The following PXDNL variants were observed in gnomAD, a reference collection of about 807,000 sequenced individuals.
PXDNL encodes the protein probable oxidoreductase PXDNL.
PXDNL carries 145 observed loss-of-function variants against 150.8 expected under a neutral mutation model. The ratio of observed to expected loss-of-function variants is 0.96; its 90% confidence interval spans 0.84 to 1.10. The LOEUF is 1.10. Among genes scored for constraint, PXDNL ranks in the 50% least tolerant of loss-of-function variants. The pLI, the probability that PXDNL is intolerant of heterozygous loss-of-function variation, is 0.00. For missense variants in PXDNL, 2,087 were observed against 1,873.9 expected, an observed-to-expected ratio of 1.11 and a Z score of -2.10; for synonymous variants, 757 against 725.7, an observed-to-expected ratio of 1.04 and a Z score of -0.69.
At chr8:51,719,657 T>C (rs1164144562) in intron 1 of PXDNL, among the ~76,000 whole-genome samples, 1 of 151,090 alleles carries the variant, frequency 6.6e-6, no homozygotes, top group African/African-American at 2.4e-5. Context: ...AAAAAAAAAC[T>C]ATTTCTACCT....
At chr8:51,334,124 C>A (rs1805772466) in intron 21 of PXDNL, among the ~76,000 whole-genome samples, 1 of 93,232 alleles carries the variant, frequency 1.1e-5, no homozygotes, top group Non-Finnish European at 2.5e-5. Context: ...AGCATTCTCG[C>A]AGACCACAGT....
chr8:51,755,555 G>A (rs543923627), intron 1 of PXDNL, among the ~76,000 whole-genome samples: 6 of 152,318 alleles, frequency 3.9e-5, no homozygotes, highest in African/African-American at 1.4e-4. Flanking sequence ...GCCTCCCAAA[G>A]TGCTGGGGTT....
At chr8:51,483,773 AACCTTTCTTTCACC>A in intron 5 of PXDNL, 59 bp from the exon 6 acceptor site, 1 of 1,020,036 alleles carries the variant, frequency 9.8e-7, no homozygotes, top group East Asian at 2.6e-5. Context: ...TGACAAACAA[AACCTTTCTTTCACC>A]TAACTGTGAA....
chr8:51,374,325 A>G (rs1807231486), intron 18 of PXDNL, among the ~76,000 whole-genome samples: 2 of 152,210 alleles, frequency 1.3e-5, no homozygotes, highest in African/African-American at 4.8e-5. Flanking sequence ...TTTAAGCACA[A>G]CGTAGTCCAT....
At chr8:51,347,125 A>G (rs879489807) in intron 19 of PXDNL, among the ~76,000 whole-genome samples, 10 of 152,208 alleles carry the variant, frequency 6.6e-5, no homozygotes, top group Admixed American at 6.5e-4. Flanking sequence ...GCATCTTACC[A>G]TGCAATCGAA....
chr8:51,589,154 A>C (rs1251821865), intron 3 of PXDNL, among the ~76,000 whole-genome samples: 3 of 152,152 alleles, frequency 2.0e-5, no homozygotes, highest in Non-Finnish European at 2.9e-5. Context: ...CTCCAGATGC[A>C]GCCCCTCAGT....
intron 17 of PXDNL, among the ~76,000 whole-genome samples, chr8:51,376,992 C>G (rs1466104815): frequency 6.6e-6 from 1 of 152,108 alleles, no homozygotes; most frequent in South Asian, 2.1e-4. Context: ...TGCTGGGTTA[C>G]AGGCGTGAGC....
intron 19 of PXDNL, among the ~76,000 whole-genome samples, chr8:51,367,768 A>T (rs989122441): frequency 6.6e-6 from 1 of 152,254 alleles, no homozygotes; most frequent in African/African-American, 2.4e-5. Flanking sequence ...GGGCAAAAAG[A>T]AAAACAAAAA....
intron 2 of PXDNL, among the ~76,000 whole-genome samples, chr8:51,609,959 G>T (rs554778356): frequency 6.6e-6 from 1 of 152,162 alleles, no homozygotes; most frequent in African/African-American, 2.4e-5. Context: ...TTTTTCACTC[G>T]CTTGTGACCA....
At chr8:51,568,801 C>A (rs1355116458) in intron 3 of PXDNL, among the ~76,000 whole-genome samples, 1 of 151,598 alleles carries the variant, frequency 6.6e-6, no homozygotes, top group Non-Finnish European at 1.5e-5. Context: ...CATCCTTTTT[C>A]TCTTTGTATT....
At chr8:51,411,892 C>A (rs1404975662) in intron 15 of PXDNL, among the ~76,000 whole-genome samples, 1 of 152,158 alleles carries the variant, frequency 6.6e-6, no homozygotes, top group African/African-American at 2.4e-5. Flanking sequence ...CTCTGACAAG[C>A]TATCACTCCA....
intron 2 of PXDNL, among the ~76,000 whole-genome samples, chr8:51,637,531 T>C (rs1453252871): frequency 6.6e-6 from 1 of 152,072 alleles, no homozygotes; most frequent in Non-Finnish European, 1.5e-5. Context: ...TGAAAACCAT[T>C]GCACAAGAAC....
chr8:51,607,418 T>G (rs928709639), intron 2 of PXDNL, among the ~76,000 whole-genome samples: 3 of 152,206 alleles, frequency 2.0e-5, no homozygotes, highest in African/African-American at 7.2e-5. Flanking sequence ...TTTTGGCTCT[T>G]GGGCTGGTTG....
intron 12 of PXDNL, chr8:51,436,377 C>T: frequency 2.3e-6 from 1 of 428,962 alleles, no homozygotes; most frequent in Admixed American, 2.9e-5. Context: ...AAAATTCTCA[C>T]TACCAGGCAC....
At chr8:51,749,075 TA>T (rs1301936963) in intron 1 of PXDNL, among the ~76,000 whole-genome samples, 1 of 152,224 alleles carries the variant, frequency 6.6e-6, no homozygotes, top group East Asian at 1.9e-4. Flanking sequence ...TGAATTCTTT[TA>T]AAAATAATTT....
intron 20 of PXDNL, among the ~76,000 whole-genome samples, chr8:51,341,949 C>G (rs1185148774): frequency 2.0e-5 from 3 of 152,178 alleles, no homozygotes; most frequent in Admixed American, 2.0e-4. Context: ...AATCCCACGC[C>G]TGGGTATACA....
chr8:51,498,780 C>T (rs1170030229), intron 5 of PXDNL, among the ~76,000 whole-genome samples: 1 of 152,174 alleles, frequency 6.6e-6, no homozygotes, highest in Non-Finnish European at 1.5e-5. Context: ...CTTCTCAATA[C>T]CACATATATT....
In PXDNL at chr8:51,426,750, C is replaced by CT. The variant is rs1809115111; in HGVS notation, c.1533dup (p.Val512SerfsTer35). 2 of 1,581,426 alleles carry CT rather than the reference C, an allele frequency of 1.3e-6. No individual in the cohort carries two copies. The highest frequency in any genetic ancestry group is 3.3e-4 in the Middle Eastern group (2 of 6,000). Reference sequence around the variant, plus strand: ...GTATCCTGAGGAAGTTGAGTAAACACTGCAAGAGCTGTGGAAACAAACCAA... The same window carrying CT: ...GTATCCTGAGGAAGTTGAGTAAACACTTGCAAGAGCTGTGGAAACAAACCAA... On this transcript the variant is annotated frameshift_variant, in exon 13 of 23. Coordinates refer to ENST00000356297, the MANE Select transcript of PXDNL (RefSeq NM_144651.5). LOFTEE classifies it high-confidence loss of function.
At position 51,528,756 on chromosome 8, in the gene PXDNL, CT is replaced by C. The variant is rs532136092; in HGVS notation, c.380+28083del. On this transcript the variant is annotated intron_variant, in intron 4 of 22. Coordinates refer to ENST00000356297, the MANE Select transcript of PXDNL (RefSeq NM_144651.5). ...CACTTTACTCTTGCTGGTTTTGAAG[CT>C]GGAAATGGGACTGCAGGCCCACGAC... is the stretch of plus-strand genomic sequence containing the variant. Among the ~76,000 whole-genome samples the C allele has an allele frequency of 1.4e-3, 213 of 152,278 alleles. 1 individual carries two copies. Among genetic ancestry groups the C allele is most frequent in the African/African-American group, 4.8e-3 (198 of 41,556 alleles).
Sources: allele counts gnomAD v4.1 joint callset (sites outside exome capture counted in the v4.1 genomes callset), GRCh38; gene constraint gnomAD v4.1.1; transcripts MANE v1.5; gene names NCBI Gene and HGNC (gene_info 2026-07-23, HGNC 2026-07-21).